Variants in NLGN1 observed in about 807,000 individuals in gnomAD.
The protein encoded by NLGN1 is neuroligin 1.
NLGN1 carries 12 observed loss-of-function variants against 65.5 expected under a neutral mutation model. That is an observed-to-expected ratio of 0.18 (90% confidence interval 0.12 to 0.30). The LOEUF is 0.30. Ranked by LOEUF, NLGN1 falls within the 10% of genes least tolerant of loss-of-function variation. The pLI, the probability that NLGN1 is intolerant of heterozygous loss-of-function variation, is 1.00. For synonymous variants in NLGN1, 350 were observed against 359.5 expected (o/e 0.97, Z 0.30); for missense variants, 750 against 1,007.1 (o/e 0.74, Z 3.46).
chr3:173,987,572 G>C (rs1387690350), intron 4 of NLGN1, among the ~76,000 whole-genome samples: 1 of 152,076 alleles, frequency 6.6e-6, no homozygotes, highest in Non-Finnish European at 1.5e-5. Context: ...TTTTTTCTCT[G>C]TTTATAGTTT....
chr3:174,069,492 A>G (rs1001506296), intron 4 of NLGN1, among the ~76,000 whole-genome samples: 1 of 152,194 alleles, frequency 6.6e-6, no homozygotes, highest in Non-Finnish European at 1.5e-5. Context: ...TGTCCTAGGG[A>G]CAATTTTCAA....
intron 4 of NLGN1, among the ~76,000 whole-genome samples, chr3:174,107,179 A>G (rs961686466): frequency 1.3e-4 from 20 of 152,096 alleles, no homozygotes; most frequent in African/African-American, 4.8e-4. Flanking sequence ...ATACTACAGC[A>G]TCACAGCCAG....
intron 3 of NLGN1, among the ~76,000 whole-genome samples, chr3:173,659,907 C>T (rs1760673142): frequency 6.6e-6 from 1 of 151,846 alleles, no homozygotes; most frequent in African/African-American, 2.4e-5. Flanking sequence ...AAGTCCACTA[C>T]CTTAATAACC....
chr3:173,435,469 T>C (rs753468700), intron 2 of NLGN1, among the ~76,000 whole-genome samples: 2 of 152,146 alleles, frequency 1.3e-5, no homozygotes, highest in African/African-American at 2.4e-5. Flanking sequence ...CACACACATA[T>C]ATGAAAATCT....
intron 2 of NLGN1, among the ~76,000 whole-genome samples, chr3:173,441,345 A>C (rs1163120027): frequency 6.6e-6 from 1 of 152,178 alleles, no homozygotes; most frequent in East Asian, 1.9e-4. Context: ...CAACTTAGCT[A>C]ACCATTTGAA....
chr3:173,502,287 G>A (rs953061251), intron 2 of NLGN1, among the ~76,000 whole-genome samples: 4 of 152,004 alleles, frequency 2.6e-5, no homozygotes, highest in Non-Finnish European at 4.4e-5. Context: ...AGTAAGAGAA[G>A]ATCTTACTTT....
At chr3:174,095,678 A>G (rs2152568537) in intron 4 of NLGN1, among the ~76,000 whole-genome samples, 1 of 152,150 alleles carries the variant, frequency 6.6e-6, no homozygotes, top group South Asian at 2.1e-4. Context: ...ACATATATAC[A>G]CACACACATT....
chr3:173,676,494 A>G (rs909915151), intron 3 of NLGN1, among the ~76,000 whole-genome samples: 2 of 152,200 alleles, frequency 1.3e-5, no homozygotes, highest in African/African-American at 4.8e-5. Context: ...TGTGTTTCAG[A>G]TAATATAAAG....
intron 4 of NLGN1, among the ~76,000 whole-genome samples, chr3:174,038,135 C>A (rs1264403344): frequency 6.6e-6 from 1 of 152,076 alleles, no homozygotes; most frequent in Non-Finnish European, 1.5e-5. Context: ...ATGTGGCAGT[C>A]GCTGTGAATC....
At chr3:173,606,569 A>C (rs1751442436) in intron 3 of NLGN1, among the ~76,000 whole-genome samples, 1 of 152,068 alleles carries the variant, frequency 6.6e-6, no homozygotes, top group Non-Finnish European at 1.5e-5. Context: ...GTCAGATTTC[A>C]TTATAGCATC....
At chr3:174,237,500 A>G (rs1741936167) in intron 4 of NLGN1, among the ~76,000 whole-genome samples, 1 of 152,336 alleles carries the variant, frequency 6.6e-6, no homozygotes, top group Admixed American at 6.5e-5. Flanking sequence ...TTTCTGAGCC[A>G]AGCATATCTG....
At chr3:174,244,194 A>G (rs1328116045) in intron 4 of NLGN1, among the ~76,000 whole-genome samples, 1 of 152,216 alleles carries the variant, frequency 6.6e-6, no homozygotes, top group African/African-American at 2.4e-5. Context: ...AGCTATTTTT[A>G]TTTATTAAAA....
chr3:173,899,270 TAG>T (rs1022523257), intron 4 of NLGN1, among the ~76,000 whole-genome samples: 6 of 152,230 alleles, frequency 3.9e-5, no homozygotes, highest in African/African-American at 1.2e-4. Flanking sequence ...GAACTTGATA[TAG>T]AGTCAGAGCA....
intron 4 of NLGN1, among the ~76,000 whole-genome samples, chr3:173,970,478 T>C (rs1302206063): frequency 4.6e-5 from 7 of 151,732 alleles, no homozygotes; most frequent in Non-Finnish European, 1.0e-4. Flanking sequence ...GTTTTATGGG[T>C]AGGTAGGAGT....
At chr3:174,223,507 C>T (rs1214090214) in intron 4 of NLGN1, among the ~76,000 whole-genome samples, 1 of 151,834 alleles carries the variant, frequency 6.6e-6, no homozygotes, top group Non-Finnish European at 1.5e-5. Context: ...CATTTATTTC[C>T]TTCTCACTTT....
intron 2 of NLGN1, among the ~76,000 whole-genome samples, chr3:173,524,421 T>C (rs1349816493): frequency 6.6e-6 from 1 of 152,226 alleles, no homozygotes; most frequent in Non-Finnish European, 1.5e-5. Flanking sequence ...TTTTGTATCC[T>C]GAAACTTTAA....
At chr3:173,512,998 CTG>C (rs1560365085) in intron 2 of NLGN1, among the ~76,000 whole-genome samples, 1 of 152,184 alleles carries the variant, frequency 6.6e-6, no homozygotes, top group African/African-American at 2.4e-5. Context: ...TATCCCTGGA[CTG>C]TGAACTTTCA....
At chr3:173,909,150 G>C (rs1739057034) in intron 4 of NLGN1, among the ~76,000 whole-genome samples, 1 of 152,006 alleles carries the variant, frequency 6.6e-6, no homozygotes, top group African/African-American at 2.4e-5. Flanking sequence ...CTATTAGCTA[G>C]TCACTAAGTC....
intron 3 of NLGN1, among the ~76,000 whole-genome samples, chr3:173,614,754 T>C (rs1752805895): frequency 6.6e-6 from 1 of 152,038 alleles, no homozygotes; most frequent in African/African-American, 2.4e-5. Context: ...TCCTCATCCC[T>C]CACACATATG....
Sources: allele counts gnomAD v4.1 joint callset (sites outside exome capture counted in the v4.1 genomes callset), GRCh38; gene constraint gnomAD v4.1.1; transcripts MANE v1.5; gene names NCBI Gene and HGNC (gene_info 2026-07-23, HGNC 2026-07-21).